SLC35F4: variants seen among roughly 807,000 people sequenced by gnomAD.
SLC35F4 encodes solute carrier family 35 member F4.
In SLC35F4, 24 loss-of-function variants were observed where a neutral mutation model predicts 44.2. The observed-to-expected ratio is 0.54, with a 90% CI of 0.39 to 0.76. SLC35F4 has a LOEUF of 0.76. Among genes scored for constraint, SLC35F4 ranks in the 30% least tolerant of loss-of-function variants. The probability of loss-of-function intolerance (pLI) is 0.00; values close to 1 mark genes in which losing one functional copy is unlikely to be tolerated. For synonymous variants in SLC35F4, 238 were observed against 223.6 expected, an observed-to-expected ratio of 1.06 and a Z score of -0.57; for missense variants, 562 against 586.1, an observed-to-expected ratio of 0.96 and a Z score of 0.42.
intron 1 of SLC35F4, among the ~76,000 whole-genome samples, chr14:57,807,323 A>T (rs1184153260): frequency 6.7e-6 from 1 of 149,424 alleles, no homozygotes; most frequent in Non-Finnish European, 1.5e-5. Context: ...GGTGCTACCT[A>T]GGTGGGGCCA....
intron 1 of SLC35F4, among the ~76,000 whole-genome samples, chr14:57,652,194 C>T (rs141222191): frequency 1.3e-3 from 191 of 152,286 alleles, no homozygotes; most frequent in African/African-American, 4.2e-3. Context: ...CTAGAATTTT[C>T]AGAAGCTTTC....
upstream of SLC35F4, among the ~76,000 whole-genome samples, chr14:57,983,171 G>A (rs1208970913): frequency 1.3e-5 from 2 of 152,242 alleles, no homozygotes. Context: ...GGAGGAGTCT[G>A]GCTCAAATCT....
At chr14:57,705,170 T>A (rs1160061767) in intron 1 of SLC35F4, among the ~76,000 whole-genome samples, 1 of 152,138 alleles carries the variant, frequency 6.6e-6, no homozygotes, top group Non-Finnish European at 1.5e-5. Flanking sequence ...GACTAATAAA[T>A]GCTAGCTAGT....
chr14:57,728,923 C>T (rs1594900613), intron 1 of SLC35F4, among the ~76,000 whole-genome samples: 1 of 152,042 alleles, frequency 6.6e-6, no homozygotes. Context: ...ATATTTTCAC[C>T]AGATACATTA....
At chr14:57,702,345 A>AAAC (rs1313599221) in intron 1 of SLC35F4, among the ~76,000 whole-genome samples, 1 of 151,704 alleles carries the variant, frequency 6.6e-6, no homozygotes, top group Non-Finnish European at 1.5e-5. Context: ...AAAAAAAAAA[A>AAAC]AAAAAGGAAA....
intron 1 of SLC35F4, among the ~76,000 whole-genome samples, chr14:57,965,214 A>G (rs952548481): frequency 1.3e-5 from 2 of 152,082 alleles, no homozygotes; most frequent in African/African-American, 4.8e-5. Flanking sequence ...GTTAAGCAAG[A>G]ATATATTTCC....
At chr14:57,598,857 A>G (rs886565364) in intron 1 of SLC35F4, among the ~76,000 whole-genome samples, 2 of 151,188 alleles carry the variant, frequency 1.3e-5, no homozygotes, top group African/African-American at 4.9e-5. Context: ...AATACCCAGA[A>G]GCAATTAACA....
At chr14:57,869,514 C>T (rs1487983146), upstream of SLC35F4, among the ~76,000 whole-genome samples, 4 of 152,218 alleles carry the variant, frequency 2.6e-5, no homozygotes, top group African/African-American at 9.6e-5. Flanking sequence ...TTCTATTCAC[C>T]TATTTGAAGT....
At chr14:57,763,392 G>A (rs143802971) in intron 1 of SLC35F4, among the ~76,000 whole-genome samples, 1 of 152,018 alleles carries the variant, frequency 6.6e-6, no homozygotes, top group Admixed American at 6.6e-5. Context: ...ACAGATATGA[G>A]GTAAAAAGAA....
chr14:57,704,823 C>G (rs1456914536), intron 1 of SLC35F4, among the ~76,000 whole-genome samples: 1 of 152,168 alleles, frequency 6.6e-6, no homozygotes, highest in Non-Finnish European at 1.5e-5. Flanking sequence ...GAGAGAGCCC[C>G]TGGCCTGTAA....
At chr14:57,937,064 C>CTTTTTTTTT (rs11458039) in intron 1 of SLC35F4, among the ~76,000 whole-genome samples, 2 of 144,218 alleles carry the variant, frequency 1.4e-5, no homozygotes, top group Non-Finnish European at 3.0e-5. Flanking sequence ...ATTTTACCTG[C>CTTTTTTTTT]TTTTTTTTTT....
intron 1 of SLC35F4, among the ~76,000 whole-genome samples, chr14:57,880,867 C>G (rs1888521649): frequency 6.6e-6 from 1 of 152,206 alleles, no homozygotes; most frequent in African/African-American, 2.4e-5. Flanking sequence ...AACAAACTCA[C>G]AATACATTGA....
chr14:57,612,592 G>A (rs983765944), intron 1 of SLC35F4, among the ~76,000 whole-genome samples: 1 of 152,102 alleles, frequency 6.6e-6, no homozygotes, highest in African/African-American at 2.4e-5. Context: ...AATAGTCAGG[G>A]CTCTGTCTTA....
At chr14:57,915,779 AC>A (rs1331853580) in intron 1 of SLC35F4, among the ~76,000 whole-genome samples, 2 of 152,118 alleles carry the variant, frequency 1.3e-5, no homozygotes, top group Non-Finnish European at 2.9e-5. Context: ...TTTGATCACA[AC>A]CACTTGAGTA....
intron 1 of SLC35F4, among the ~76,000 whole-genome samples, chr14:57,657,224 G>A (rs2073997166): frequency 6.6e-6 from 1 of 152,248 alleles, no homozygotes; most frequent in African/African-American, 2.4e-5. Flanking sequence ...TTGGGAGATG[G>A]AAGAGGAAAG....
chr14:57,944,448 C>T (rs959856103), intron 1 of SLC35F4, among the ~76,000 whole-genome samples: 5 of 152,126 alleles, frequency 3.3e-5, no homozygotes, highest in Non-Finnish European at 5.9e-5. Context: ...GAGCATTTAC[C>T]GCTTTCCCAC....
intron 1 of SLC35F4, among the ~76,000 whole-genome samples, chr14:57,879,345 C>T (rs1888469533): frequency 1.3e-5 from 2 of 152,124 alleles, no homozygotes; most frequent in South Asian, 4.2e-4. Flanking sequence ...CATTCCTTAC[C>T]CTCGAGCTGA....
intron 1 of SLC35F4, among the ~76,000 whole-genome samples, chr14:57,769,991 C>T (rs183416590): frequency 1.2e-4 from 18 of 152,258 alleles, no homozygotes; most frequent in Non-Finnish European, 2.5e-4. Context: ...TTGCCAAGGG[C>T]CCCAGTTCTG....
chr14:57,617,642 A>G (rs1175896047), intron 1 of SLC35F4, among the ~76,000 whole-genome samples: 1 of 152,210 alleles, frequency 6.6e-6, no homozygotes, highest in African/African-American at 2.4e-5. Flanking sequence ...AGGGAAATAC[A>G]GACCAGAAAG....
Sources: allele counts gnomAD v4.1 joint callset (sites outside exome capture counted in the v4.1 genomes callset), GRCh38; gene constraint gnomAD v4.1.1; transcripts MANE v1.5; gene names NCBI Gene and HGNC (gene_info 2026-07-23, HGNC 2026-07-21).